Variants in INPP5F observed in about 807,000 individuals in gnomAD.
INPP5F encodes the protein phosphatidylinositide 4-phosphatase SAC2.
A neutral mutation model predicts 137.2 loss-of-function variants in INPP5F; 97 were observed. The ratio of observed to expected loss-of-function variants is 0.71; its 90% CI spans 0.60 to 0.84. The LOEUF (loss-of-function observed/expected upper bound fraction) is 0.84, where lower values mean the gene tolerates loss of function less well. INPP5F is among the 40% of genes least tolerant of loss of function. The pLI, the probability that INPP5F is intolerant of heterozygous loss-of-function variation, is 0.00. For synonymous variants in INPP5F, 504 were observed against 476.9 expected, an observed-to-expected ratio of 1.06 and a Z score of -0.74; for missense variants, 1,271 against 1,371.9, an observed-to-expected ratio of 0.93 and a Z score of 1.16.
rs1848046518 is a variant in INPP5F at position 119,730,977 on chromosome 10, T to C, written c.97+4618T>C. On this transcript the variant is annotated intron_variant, in intron 1 of 19. Coordinates refer to ENST00000650623, the MANE Select transcript of INPP5F (RefSeq NM_014937.4). ...TAATTTTTTGTATTTTTAGTAGAGA[T>C]GGGGTTTTACCATGTTGGCCAGGAT... Among the ~76,000 whole-genome samples the C allele has an allele frequency of 3.3e-5, 5 of 151,836 alleles. No homozygotes were observed. In the South Asian group the frequency reaches 1.0e-3, roughly 32 times the overall value.
intron 2 of INPP5F, among the ~76,000 whole-genome samples, chr10:119,767,395 T>G (rs974431837): frequency 1.4e-4 from 21 of 152,140 alleles, no homozygotes; most frequent in African/African-American, 4.8e-4. Flanking sequence ...TAAATTAGGA[T>G]TCATGTTATC....
In INPP5F at chr10:119,828,172, CTG is replaced by C. The variant is rs1468226764; in HGVS notation, c.*398_*399del. On this transcript the variant is annotated 3_prime_UTR_variant, in exon 20 of 20. Coordinates refer to ENST00000650623, the MANE Select transcript of INPP5F (RefSeq NM_014937.4). Reference sequence around the variant, plus strand: ...ATTTGTTCTGTTTGTCAGTTCATTCCTGTGTGTTCTTACCTCTACAAAGTAAA... The same window carrying C: ...ATTTGTTCTGTTTGTCAGTTCATTCCTGTGTTCTTACCTCTACAAAGTAAA... 1 of 164,924 alleles carries C rather than the reference CTG, an allele frequency of 6.1e-6. No homozygotes were observed. The highest frequency in any genetic ancestry group is 1.3e-5 in the Non-Finnish European group (1 of 75,778). The allele number at this position is 164,924 out of a possible 1,614,324, so 10.2% of individuals were successfully genotyped here.
rs527840228 is a variant in INPP5F at position 119,726,198 on chromosome 10, C to G, written c.-65C>G. 3.7e-4 allele frequency: 396 copies of G among 1,080,258 alleles called. 3 individuals are homozygous for G. The South Asian group carries it at 8.1e-3, about 22-fold the overall frequency. 66.9% of individuals were successfully genotyped at this position (1,080,258 alleles called of 1,614,324 possible). On this transcript the variant is annotated 5_prime_UTR_variant, in exon 1 of 20. Coordinates refer to ENST00000650623, the MANE Select transcript of INPP5F (RefSeq NM_014937.4). ...CCCGAGGCGCGGGCTCTGGCGGCCT[C>G]GACCGACTAGGACGCCCCGTGCGCC...
chr10:119,781,602 A>C, intron 2 of INPP5F, 33 bp from the exon 3 acceptor site: 1 of 1,569,358 alleles, frequency 6.4e-7, no homozygotes, highest in Non-Finnish European at 8.7e-7. Flanking sequence ...CACTCTAAAA[A>C]CGCCAGACTT....
intron 1 of INPP5F, among the ~76,000 whole-genome samples, chr10:119,737,381 C>A (rs1848245992): frequency 6.6e-6 from 1 of 152,180 alleles, no homozygotes; most frequent in South Asian, 2.1e-4. Context: ...TATATATAAT[C>A]ATTTAGACCA....
Position 119,827,531 on chromosome 10 carries a change from G to C in INPP5F, c.3150G>C (p.Glu1050Asp), listed in dbSNP as rs61757087. Residue 1050 changes from glutamate to aspartate, a missense_variant, in exon 20 of 20, where the codon GAG (glutamate) becomes GAC (aspartate). Coordinates refer to ENST00000650623, the MANE Select transcript of INPP5F (RefSeq NM_014937.4). ...PTSASSMLELETGLHVTPSPS... is the reference protein window; with the variant it reads ...PTSASSMLELDTGLHVTPSPS... ...CCGCTTCCAGCATGCTTGAACTTGAGACAGGGCTTCATGTAACTCCTTCTC... is the reference window on the plus strand; with the variant it reads ...CCGCTTCCAGCATGCTTGAACTTGACACAGGGCTTCATGTAACTCCTTCTC... 8.5e-3 allele frequency: 13,718 copies of C among 1,614,144 alleles called. 82 individuals are homozygous for C. Among genetic ancestry groups the C allele is most frequent in the Non-Finnish European group, 0.011 (12,518 of 1,180,010 alleles).
At chr10:119,814,782 C>T (rs746164433) in intron 15 of INPP5F, among the ~76,000 whole-genome samples, 2 of 152,242 alleles carry the variant, frequency 1.3e-5, no homozygotes, top group Non-Finnish European at 2.9e-5. Context: ...TGGTCCAGGG[C>T]TTGCAGCTGC....
intron 2 of INPP5F, among the ~76,000 whole-genome samples, chr10:119,776,801 A>C (rs572707663): frequency 9.2e-5 from 14 of 151,902 alleles, no homozygotes; most frequent in Non-Finnish European, 1.9e-4. Context: ...TCCAGGCTGG[A>C]GTACAGTGAT....
At chr10:119,826,572 C>G in intron 19 of INPP5F, 59 bp from the exon 20 acceptor site, 2 of 1,308,194 alleles carry the variant, frequency 1.5e-6, no homozygotes, top group Non-Finnish European at 2.1e-6. Flanking sequence ...ATGTTAATAA[C>G]TGGAACTGGC....
At chr10:119,813,667 CTA>C (rs1384840349) in intron 15 of INPP5F, among the ~76,000 whole-genome samples, 1 of 152,010 alleles carries the variant, frequency 6.6e-6, no homozygotes, top group African/African-American at 2.4e-5. Context: ...CAAAAAAACA[CTA>C]TGGTGAAACA....
Position 119,826,839 on chromosome 10 carries a change from T to G in INPP5F, c.2458T>G (p.Leu820Val), listed in dbSNP as rs1564858517. Residue 820 changes from leucine (L) to valine (V), a missense_variant, in exon 20 of 20, where the codon TTA becomes GTA. This residue lies in a region of INPP5F where 490 missense variants were observed against 443.7 expected (regional missense o/e 1.10). Coordinates refer to ENST00000650623, the MANE Select transcript of INPP5F (RefSeq NM_014937.4). Reference protein sequence around the residue: ...EMKVNFLKPNLKVNLWKSDSS... With the variant: ...EMKVNFLKPNVKVNLWKSDSS... ...GAAAGTTAACTTTCTAAAACCAAAC[T>G]TAAAAGTAAATCTTTGGAAATCAGA... The G allele has an allele frequency of 1.2e-6, 2 of 1,613,538 alleles. No individual in the cohort carries two copies. The highest frequency in any genetic ancestry group is 8.5e-7 in the Non-Finnish European group (1 of 1,179,812).
intron 3 of INPP5F, among the ~76,000 whole-genome samples, chr10:119,784,099 A>G (rs1767466582): frequency 6.6e-6 from 1 of 152,236 alleles, no homozygotes; most frequent in Non-Finnish European, 1.5e-5. Flanking sequence ...TGAAAATCAC[A>G]ACTTTATTAT....
chr10:119,806,415 A>G lies in INPP5F; in HGVS notation c.1375A>G (p.Met459Val). The G allele has an allele frequency of 1.2e-6, 2 of 1,609,410 alleles. No individual in the cohort carries two copies. The highest frequency in any genetic ancestry group is 2.2e-5 in the East Asian group (1 of 44,738). ...KQEGIFRVNC[M>V]DCLDRTNVVQ... is the part of the protein sequence containing the mutation. The stretch of plus-strand genomic sequence containing the variant: ...GGAAGGGATTTTTCGTGTTAATTGT[A>G]TGGACTGCCTGGATCGCACCAACGT... The change falls in exon 12 of 20, where the codon ATG becomes GTG. Residue 459 changes from methionine (M) to valine (V), a missense_variant. Physicochemically the swap from Met to Val is conservative, Grantham distance 21 (BLOSUM62 1). Around this residue, in one of 6 missense-constraint regions of INPP5F, gnomAD observed 593 missense variants for 712.4 expected, o/e 0.83. Coordinates refer to ENST00000650623, the MANE Select transcript of INPP5F (RefSeq NM_014937.4).
In INPP5F at chr10:119,748,851, G is replaced by A. The variant is rs1458139863; in HGVS notation, c.98-2225G>A. On this transcript the variant is annotated intron_variant, in intron 1 of 19. Transcript: ENST00000650623. This position sits in a 1 kb window ranked among gnomAD's most constrained non-coding sequence, Gnocchi z 4.7. ...AGGTTGTCCCTGGCTTGAAGGTGGGGTTTTACCTGTGATCTGCCCCTTTCT... is the reference window on the plus strand; with the variant it reads ...AGGTTGTCCCTGGCTTGAAGGTGGGATTTTACCTGTGATCTGCCCCTTTCT... Among the ~76,000 whole-genome samples, 1 of 152,178 alleles carries A rather than the reference G, an allele frequency of 6.6e-6. No homozygotes were observed. Among genetic ancestry groups the A allele is most frequent in the East Asian group, 1.9e-4 (1 of 5,198 alleles).
At chr10:119,754,798 C>T (rs951619439) in intron 2 of INPP5F, among the ~76,000 whole-genome samples, 9 of 151,858 alleles carry the variant, frequency 5.9e-5, no homozygotes, top group Non-Finnish European at 1.0e-4. Context: ...GATGCCTCCT[C>T]CTCTCCTCTC....
At position 119,794,625 on chromosome 10, in the gene INPP5F, C is replaced by G. The variant is rs1426415329; in HGVS notation, c.670-2090C>G. On this transcript the variant is annotated intron_variant, in intron 6 of 19. Coordinates refer to ENST00000650623, the MANE Select transcript of INPP5F (RefSeq NM_014937.4). ...GCAAAGGCGCCCCTCACCTCCCGTACGGGGCGGCTGGCCAGGTGGGGGGCT... is the reference window on the plus strand; with the variant it reads ...GCAAAGGCGCCCCTCACCTCCCGTAGGGGGCGGCTGGCCAGGTGGGGGGCT... 4.0e-5 allele frequency among the ~76,000 whole-genome samples: 6 copies of G among 150,400 alleles called. No homozygotes were observed. In the East Asian group the frequency reaches 1.0e-3, roughly 25 times the overall value.
chr10:119,825,797 A>C (rs1851733880), intron 19 of INPP5F, among the ~76,000 whole-genome samples: 3 of 152,192 alleles, frequency 2.0e-5, no homozygotes. Flanking sequence ...ATTTGGCCGG[A>C]AGAAAATTGT....
intron 2 of INPP5F, among the ~76,000 whole-genome samples, chr10:119,774,043 T>TTGCTTGAG (rs1564821454): frequency 6.6e-6 from 1 of 152,038 alleles, no homozygotes; most frequent in African/African-American, 2.4e-5. Flanking sequence ...GGTGGGCAGA[T>TTGCTTGAG]CACAAGGTCA....
At position 119,798,659 on chromosome 10, in the gene INPP5F, ACTTTTT is replaced by A. The variant is rs1303953988; in HGVS notation, c.1116+54_1116+59del. On this transcript the variant is annotated intron_variant, in intron 9 of 19. Coordinates refer to ENST00000650623, the MANE Select transcript of INPP5F (RefSeq NM_014937.4). ...AAATGTTCCTTCATCTTTAGAAATA[ACTTTTT>A]CTTTAAGTTTCATAAAAATAACATT... 3.0e-6 allele frequency: 4 copies of A among 1,317,214 alleles called. No homozygotes were observed. The Admixed American group carries it at 5.3e-5, about 18-fold the overall frequency. The allele number at this position is 1,317,214 out of a possible 1,614,324, so 81.6% of individuals were successfully genotyped here.
Sources: gnomAD v4.1 joint callset for allele counts (sites outside exome capture counted in the v4.1 genomes callset) on GRCh38, gnomAD v4.1.1 for gene constraint, gnomAD v4.1.1 regional missense constraint, Gnocchi (gnomAD v3.1) non-coding constraint, MANE v1.5 for transcripts, NCBI Gene and HGNC (gene_info 2026-07-23, HGNC 2026-07-21) for gene names.